Variants in ROCK1 observed in about 807,000 individuals in gnomAD.
The protein encoded by ROCK1 is Rho associated coiled-coil containing protein kinase 1.
ROCK1 carries 36 observed loss-of-function variants against 196.8 expected under a neutral mutation model. The observed-to-expected ratio is 0.18, with a 90% CI of 0.14 to 0.24. The LOEUF (loss-of-function observed/expected upper bound fraction) is 0.24. ROCK1 is among the 10% of genes least tolerant of loss of function. The pLI, the probability that ROCK1 is intolerant of heterozygous loss-of-function variation, is 1.00. For missense variants in ROCK1, 920 were observed against 1,562.0 expected, an observed-to-expected ratio of 0.59 and a Z score of 6.93; for synonymous variants, 443 against 515.9, an observed-to-expected ratio of 0.86 and a Z score of 1.91.
intron 27 of ROCK1, among the ~76,000 whole-genome samples, chr18:20,965,627 C>T (rs2035367408): frequency 6.6e-6 from 1 of 152,078 alleles, no homozygotes; most frequent in Admixed American, 6.6e-5. Flanking sequence ...TTAAGTCTAA[C>T]TTTAGAAAGA....
chr18:20,967,704 A>C (rs2035387191), intron 26 of ROCK1, 48 bp downstream of exon 26: 1 of 1,339,284 alleles, frequency 7.5e-7, no homozygotes, highest in Non-Finnish European at 1.0e-6. Flanking sequence ...AAATAATTTA[A>C]GAAAATAATC....
At chr18:21,021,886 G>C (rs1390643366) in intron 11 of ROCK1, among the ~76,000 whole-genome samples, 5 of 152,252 alleles carry the variant, frequency 3.3e-5, no homozygotes, top group South Asian at 2.1e-4. Context: ...GTAGGTCAAA[G>C]ATTTTTGAGC....
chr18:21,068,464 C>G (rs541677224), intron 2 of ROCK1, among the ~76,000 whole-genome samples: 1 of 152,294 alleles, frequency 6.6e-6, no homozygotes, highest in South Asian at 2.1e-4. Flanking sequence ...AGGTCCTTTA[C>G]ATTTCCATAT....
At chr18:20,973,339 G>A (rs573604773) in intron 22 of ROCK1, among the ~76,000 whole-genome samples, 40 of 152,066 alleles carry the variant, frequency 2.6e-4, no homozygotes, top group Non-Finnish European at 1.9e-4. Context: ...GTGCAATGGC[G>A]CAATCTCGGC....
chr18:20,998,440 T>TA (rs1271808984), intron 16 of ROCK1, among the ~76,000 whole-genome samples: 1 of 151,638 alleles, frequency 6.6e-6, no homozygotes, highest in African/African-American at 2.4e-5. Flanking sequence ...AAATAAATAA[T>TA]AAAGATCAGA....
chr18:21,031,112 G>A (rs1459307818), intron 9 of ROCK1, among the ~76,000 whole-genome samples: 2 of 152,104 alleles, frequency 1.3e-5, no homozygotes, highest in South Asian at 2.1e-4. Flanking sequence ...ATGAATGACT[G>A]CAGCCCACAA....
intron 22 of ROCK1, among the ~76,000 whole-genome samples, chr18:20,971,407 C>T (rs1246195596): frequency 2.0e-5 from 3 of 151,278 alleles, no homozygotes; most frequent in Non-Finnish European, 4.4e-5. Flanking sequence ...CTAAGTACTA[C>T]ACTATGTTTA....
intron 19 of ROCK1, among the ~76,000 whole-genome samples, chr18:20,985,751 G>T (rs2143396085): frequency 6.6e-6 from 1 of 152,140 alleles, no homozygotes; most frequent in East Asian, 1.9e-4. Context: ...CCTCCTGCAT[G>T]CTAGCTTTAA....
Position 20,947,777 on chromosome 18 carries a change from G to A in ROCK1, c.*3607C>T, listed in dbSNP as rs2035143259. ...AATGTCTTACAATTTTCTTGGTGGA[G>A]GTCGTATACATCTTTCAGTAGATTG... On this transcript the variant is annotated 3_prime_UTR_variant, in exon 33 of 33. Coordinates refer to ENST00000399799, the MANE Select transcript of ROCK1 (RefSeq NM_005406.3). 6.6e-6 allele frequency: 1 copy of A among 152,020 alleles called. No individual in the cohort carries two copies. Among genetic ancestry groups the A allele is most frequent in the Admixed American group, 6.6e-5 (1 of 15,258 alleles). The allele number at this position is 152,020 out of a possible 1,614,324, so 9.4% of individuals were successfully genotyped here.
intron 1 of ROCK1, among the ~76,000 whole-genome samples, chr18:21,094,582 G>A (rs200008677): frequency 2.7e-5 from 4 of 149,104 alleles, no homozygotes; most frequent in African/African-American, 2.5e-5. Context: ...TACAAAAAAA[G>A]AAAAAAAAAT....
intron 11 of ROCK1, among the ~76,000 whole-genome samples, chr18:21,021,712 G>C (rs2035914536): frequency 6.6e-6 from 1 of 152,128 alleles, no homozygotes. Flanking sequence ...TAGAGCAAAA[G>C]ATAAAGGTAG....
chr18:20,973,739 C>T (rs1283645759), intron 22 of ROCK1, among the ~76,000 whole-genome samples: 1 of 151,212 alleles, frequency 6.6e-6, no homozygotes, highest in African/African-American at 2.4e-5. Context: ...GAGTAGCCTT[C>T]AAAATAAATA....
At chr18:20,989,670 G>GA (rs2035606515) in intron 18 of ROCK1, among the ~76,000 whole-genome samples, 1 of 152,104 alleles carries the variant, frequency 6.6e-6, no homozygotes, top group South Asian at 2.1e-4. Context: ...GATAATGGAG[G>GA]TAAAAAGGTT....
At chr18:20,977,195 A>G (rs1389351093) in intron 22 of ROCK1, among the ~76,000 whole-genome samples, 4 of 152,204 alleles carry the variant, frequency 2.6e-5, no homozygotes, top group African/African-American at 4.8e-5. Context: ...TTCAATATTT[A>G]TTGAATACTT....
chr18:21,094,955 C>T (rs1274382804), intron 1 of ROCK1, among the ~76,000 whole-genome samples: 1 of 147,442 alleles, frequency 6.8e-6, no homozygotes, highest in East Asian at 2.0e-4. Context: ...GAAGCTGAAG[C>T]AGGAGAATCG....
intron 1 of ROCK1, among the ~76,000 whole-genome samples, chr18:21,107,781 C>T (rs1326063047): frequency 1.3e-5 from 2 of 152,172 alleles, no homozygotes; most frequent in Non-Finnish European, 2.9e-5. Flanking sequence ...GGGCCAGGCA[C>T]GGTGGCTCAC....
chr18:21,008,156 C>A lies in ROCK1; in HGVS notation c.1449G>T (p.Gln483His). 1 of 1,592,832 alleles carries A rather than the reference C, an allele frequency of 6.3e-7. No individual in the cohort carries two copies. Among genetic ancestry groups the A allele is most frequent in the South Asian group, 1.1e-5 (1 of 88,788 alleles). Residue 483 changes from glutamine (Q) to histidine (H), a missense_variant, in exon 14 of 33, where the codon CAG (glutamine) becomes CAT (histidine). Transcript: ENST00000399799. ...GTAGCAACATTTTCTCCTTCTCAAT[C>A]TGAGACACTGTAGATTCTAGATTTC... is the stretch of plus-strand genomic sequence containing the variant. Reference protein sequence around the residue: ...QRRNLESTVSQIEKEKMLLQH... With the variant: ...QRRNLESTVSHIEKEKMLLQH...
intron 5 of ROCK1, among the ~76,000 whole-genome samples, chr18:21,044,570 G>A (rs1242214241): frequency 1.3e-5 from 2 of 152,044 alleles, no homozygotes; most frequent in African/African-American, 4.8e-5. Flanking sequence ...TGACATGTAG[G>A]CACAGCAACT....
chr18:21,070,185 A>G (rs770941728), intron 2 of ROCK1, among the ~76,000 whole-genome samples: 65 of 152,136 alleles, frequency 4.3e-4, no homozygotes, highest in Non-Finnish European at 7.1e-4. Flanking sequence ...TCTAAAAAGG[A>G]GCCTTCGGAA....
Sources: allele counts gnomAD v4.1 joint callset (sites outside exome capture counted in the v4.1 genomes callset), GRCh38; gene constraint gnomAD v4.1.1; transcripts MANE v1.5; gene names NCBI Gene and HGNC (gene_info 2026-07-23, HGNC 2026-07-21).